ARHGEF38: variants seen among roughly 807,000 people sequenced by gnomAD.
The protein encoded by ARHGEF38 is Rho guanine nucleotide exchange factor 38, also known as Rho guanine nucleotide exchange factor (GEF) 38.
ARHGEF38 carries 79 observed loss-of-function variants against 79.9 expected under a neutral mutation model. That is an observed-to-expected ratio of 0.99 (90% CI 0.82 to 1.19). The LOEUF (loss-of-function observed/expected upper bound fraction) is 1.19. Among genes scored for constraint, ARHGEF38 ranks in the 50% most tolerant of loss-of-function variants. The pLI is 0.00. For missense variants in ARHGEF38, 962 were observed against 907.2 expected, an observed-to-expected ratio of 1.06 and a Z score of -0.78; for synonymous variants, 366 against 328.3, an observed-to-expected ratio of 1.11 and a Z score of -1.24.
At chr4:105,591,980 A>C (rs1727361897) in intron 2 of ARHGEF38, among the ~76,000 whole-genome samples, 1 of 152,218 alleles carries the variant, frequency 6.6e-6, no homozygotes, top group South Asian at 2.1e-4. Context: ...CTATTCTGGC[A>C]GATATCAATG....
At chr4:105,584,291 T>C (rs1726928822) in intron 1 of ARHGEF38, among the ~76,000 whole-genome samples, 1 of 152,194 alleles carries the variant, frequency 6.6e-6, no homozygotes, top group African/African-American at 2.4e-5. Context: ...GCCTATACAC[T>C]ACACTAGAAT....
At chr4:105,579,223 T>A (rs1726657694) in intron 1 of ARHGEF38, among the ~76,000 whole-genome samples, 1 of 152,190 alleles carries the variant, frequency 6.6e-6, no homozygotes, top group Non-Finnish European at 1.5e-5. Flanking sequence ...CCCATTTATT[T>A]CTTTCTGTTG....
At chr4:105,579,240 T>G (rs770820352) in intron 1 of ARHGEF38, among the ~76,000 whole-genome samples, 1 of 152,184 alleles carries the variant, frequency 6.6e-6, no homozygotes, top group Non-Finnish European at 1.5e-5. Flanking sequence ...GTTGCCTGAT[T>G]GTTCTGGCCA....
intron 1 of ARHGEF38, among the ~76,000 whole-genome samples, chr4:105,575,257 A>C (rs1726442460): frequency 6.6e-6 from 1 of 152,124 alleles, no homozygotes; most frequent in Non-Finnish European, 1.5e-5. Context: ...GGTTGTACTC[A>C]TTTACATTCC....
intron 1 of ARHGEF38, among the ~76,000 whole-genome samples, chr4:105,582,895 G>A (rs891963618): frequency 2.6e-5 from 4 of 152,054 alleles, no homozygotes; most frequent in African/African-American, 4.8e-5. Flanking sequence ...ACTATATAGT[G>A]CCCACTTTTA....
chr4:105,618,198 T>A (rs1228597942), intron 3 of ARHGEF38, among the ~76,000 whole-genome samples: 1 of 152,254 alleles, frequency 6.6e-6, no homozygotes, highest in East Asian at 1.9e-4. Flanking sequence ...TTCTCAGTTT[T>A]AAATATTATG....
At chr4:105,561,490 GAATAGAATAGAATA>G (rs1725603714) in intron 1 of ARHGEF38, 2 of 141,504 alleles carry the variant, frequency 1.4e-5, no homozygotes, top group African/African-American at 5.4e-5. Flanking sequence ...GAATAGAATA[GAATAGAATAGAATA>G]GAATAGAATA....
intron 3 of ARHGEF38, among the ~76,000 whole-genome samples, chr4:105,627,915 C>T (rs1219946684): frequency 6.6e-6 from 1 of 152,058 alleles, no homozygotes; most frequent in Admixed American, 6.5e-5. Flanking sequence ...ATTCTGCCTG[C>T]CAGTGTTGTA....
chr4:105,608,691 C>A (rs1312976376), intron 2 of ARHGEF38, among the ~76,000 whole-genome samples: 6 of 151,672 alleles, frequency 4.0e-5, no homozygotes, highest in Admixed American at 2.0e-4. Flanking sequence ...CACCCTGTAT[C>A]TTCTTTCTTT....
chr4:105,648,645 C>T lies in ARHGEF38; in HGVS notation c.971C>T (p.Thr324Ile). The T allele has an allele frequency of 6.5e-7, 1 of 1,532,488 alleles. No homozygotes were observed. The highest frequency in any genetic ancestry group is 8.7e-7 in the Non-Finnish European group (1 of 1,145,398). 94.9% of individuals were successfully genotyped at this position (1,532,488 alleles called of 1,614,324 possible). The change falls in exon 7 of 14, where the codon ACA (threonine) becomes ATA (isoleucine). Residue 324 changes from threonine (T) to isoleucine (I), a missense_variant. Coordinates refer to ENST00000420470, the MANE Select transcript of ARHGEF38 (RefSeq NM_001242729.2). ...ATTAGCAAGAAATCAAAAAGAGTGA[C>T]AAATCATCTGAAGATTCTGACCAGA... Reference protein sequence around the residue: ...HSISKKSKRVTNHLKILTRGE... With the variant: ...HSISKKSKRVINHLKILTRGE...
Position 105,609,917 on chromosome 4 carries a change from C to T in ARHGEF38, c.385-3467C>T, listed in dbSNP as rs187952627. ...AAAGACACATGCACACGTATGTTTACTGCAGCACTGTTTACAATAGCAAAG... is the reference window on the plus strand; with the variant it reads ...AAAGACACATGCACACGTATGTTTATTGCAGCACTGTTTACAATAGCAAAG... On this transcript the variant is annotated intron_variant, in intron 2 of 13. Coordinates refer to ENST00000420470, the MANE Select transcript of ARHGEF38 (RefSeq NM_001242729.2). Among the ~76,000 whole-genome samples the T allele has an allele frequency of 1.1e-3, 170 of 152,180 alleles. 3 individuals are homozygous for T. The highest frequency in any genetic ancestry group is 5.9e-4 in the Non-Finnish European group (40 of 67,972).
chr4:105,645,489 A>G, intron 6 of ARHGEF38, 102 bp downstream of exon 6: 1 of 987,476 alleles, frequency 1.0e-6, no homozygotes, highest in Admixed American at 3.3e-5. Context: ...GCTGCAGTGA[A>G]CTGATCATTT....
chr4:105,608,269 A>T (rs1329522331), intron 2 of ARHGEF38, among the ~76,000 whole-genome samples: 4 of 152,102 alleles, frequency 2.6e-5, no homozygotes, highest in Admixed American at 2.6e-4. Flanking sequence ...TCTAACAAGT[A>T]TGTGGTCATA....
At chr4:105,613,344 C>G in intron 2 of ARHGEF38, 40 bp from the exon 3 acceptor site, 1 of 1,600,428 alleles carries the variant, frequency 6.2e-7, no homozygotes, top group Non-Finnish European at 8.5e-7. Flanking sequence ...ATCCTAAATA[C>G]AGTGCTTCTC....
At chr4:105,575,935 CT>C (rs1560695441) in intron 1 of ARHGEF38, among the ~76,000 whole-genome samples, 1 of 152,034 alleles carries the variant, frequency 6.6e-6, no homozygotes, top group Non-Finnish European at 1.5e-5. Context: ...TTTTTGTATG[CT>C]TTGTTGAAGA....
chr4:105,613,708 T>G (rs1728398807), intron 3 of ARHGEF38, among the ~76,000 whole-genome samples: 3 of 152,156 alleles, frequency 2.0e-5, no homozygotes, highest in African/African-American at 7.2e-5. Flanking sequence ...CTGAAGTCCC[T>G]CAGTAGCACA....
At chr4:105,619,207 T>C (rs571427998) in intron 3 of ARHGEF38, among the ~76,000 whole-genome samples, 1 of 151,946 alleles carries the variant, frequency 6.6e-6, no homozygotes, top group East Asian at 1.9e-4. Context: ...GCGACTTGCT[T>C]TGATCAATGA....
intron 5 of ARHGEF38, among the ~76,000 whole-genome samples, chr4:105,639,248 G>A (rs1048619285): frequency 7.9e-5 from 12 of 151,542 alleles, no homozygotes; most frequent in Non-Finnish European, 1.2e-4. Flanking sequence ...TTTCTAATAC[G>A]TTTGTAATGT....
chr4:105,582,519 T>C (rs1348347957), intron 1 of ARHGEF38, among the ~76,000 whole-genome samples: 1 of 152,162 alleles, frequency 6.6e-6, no homozygotes, highest in African/African-American at 2.4e-5. Flanking sequence ...AGGTTTTGGT[T>C]CTCTATTAAT....
Sources: allele counts gnomAD v4.1 joint callset (sites outside exome capture counted in the v4.1 genomes callset), GRCh38; gene constraint gnomAD v4.1.1; transcripts MANE v1.5; gene names NCBI Gene and HGNC (gene_info 2026-07-23, HGNC 2026-07-21).